ITGA8: variants seen among roughly 807,000 people sequenced by gnomAD.
The protein encoded by ITGA8 is integrin subunit alpha 8, also known as integrin alpha-8.
In ITGA8, 91 loss-of-function variants were observed where a neutral mutation model predicts 142.3. The observed-to-expected ratio is 0.64, with a 90% CI of 0.54 to 0.76. The LOEUF (loss-of-function observed/expected upper bound fraction) is 0.76. ITGA8 is among the 30% of genes least tolerant of loss of function. The pLI is 0.00. For synonymous variants in ITGA8, 505 were observed against 485.2 expected (o/e 1.04, Z -0.54); for missense variants, 1,406 against 1,327.7 (o/e 1.06, Z -0.92).
At chr10:15,634,977 A>ACTAAATATTTT (rs1390389585) in intron 13 of ITGA8, among the ~76,000 whole-genome samples, 4 of 147,448 alleles carry the variant, frequency 2.7e-5, no homozygotes, top group African/African-American at 1.0e-4. Flanking sequence ...AAATAATTTC[A>ACTAAATATTTT]CTAAATATTT....
At chr10:15,643,306 GT>G (rs2131645410) in intron 13 of ITGA8, among the ~76,000 whole-genome samples, 1 of 152,198 alleles carries the variant, frequency 6.6e-6, no homozygotes, top group African/African-American at 2.4e-5. Flanking sequence ...TTTTGAGACA[GT>G]CTCACTCTGT....
intron 2 of ITGA8, among the ~76,000 whole-genome samples, chr10:15,700,064 A>C (rs1486556368): frequency 1.3e-5 from 2 of 152,118 alleles, no homozygotes; most frequent in Admixed American, 1.3e-4. Flanking sequence ...TCCCACATAA[A>C]TGTGGCAAGT....
chr10:15,596,831 A>C (rs1833018720), intron 21 of ITGA8: 2 of 179,698 alleles, frequency 1.1e-5, no homozygotes. Flanking sequence ...CATTGCTAAA[A>C]TCTTTGTCCT....
intron 13 of ITGA8, 121 bp downstream of exon 13, chr10:15,643,908 TG>T: frequency 1.3e-6 from 1 of 776,296 alleles, no homozygotes; most frequent in Non-Finnish European, 2.0e-6. Flanking sequence ...AAAAAGCCTG[TG>T]GCATGCTTAA....
intron 22 of ITGA8, among the ~76,000 whole-genome samples, chr10:15,591,979 G>A (rs1832931230): frequency 6.6e-6 from 1 of 152,166 alleles, no homozygotes; most frequent in South Asian, 2.1e-4. Context: ...AGGTGGGAGG[G>A]TGCCCAGGAC....
intron 25 of ITGA8, among the ~76,000 whole-genome samples, chr10:15,562,106 A>G (rs1833994995): frequency 6.6e-6 from 1 of 152,176 alleles, no homozygotes. Flanking sequence ...CATGCGGATT[A>G]TGGGGATTAT....
chr10:15,676,545 A>ATC (rs1187274243), intron 6 of ITGA8, among the ~76,000 whole-genome samples: 1 of 152,068 alleles, frequency 6.6e-6, no homozygotes, highest in African/African-American at 2.4e-5. Context: ...CAGTTCGATT[A>ATC]ATGCCTGTTA....
chr10:15,556,018 C>CT (rs869241754), intron 26 of ITGA8, among the ~76,000 whole-genome samples: 5,889 of 53,580 alleles, frequency 0.11, 2,023 homozygotes, highest in Admixed American at 0.13. Context: ...CTCTCTCTCT[C>CT]TTTTTTTTTT....
intron 3 of ITGA8, among the ~76,000 whole-genome samples, chr10:15,685,063 A>C (rs1197515477): frequency 6.6e-6 from 1 of 152,218 alleles, no homozygotes; most frequent in Non-Finnish European, 1.5e-5. Context: ...AAGTAGAAGC[A>C]TCTTATGCCT....
chr10:15,559,005 G>C (rs540192326), intron 25 of ITGA8, among the ~76,000 whole-genome samples: 67 of 152,250 alleles, frequency 4.4e-4, no homozygotes, highest in Non-Finnish European at 8.2e-4. Flanking sequence ...CTTTCACACA[G>C]TTTCTCTTTG....
chr10:15,698,604 C>A (rs117810781), intron 2 of ITGA8, among the ~76,000 whole-genome samples: 3 of 152,160 alleles, frequency 2.0e-5, no homozygotes, highest in African/African-American at 7.2e-5. Context: ...TATAGCCATT[C>A]TTGCAGGAGT....
rs1258178248 is a variant in ITGA8 at position 15,517,133 on chromosome 10, T to G, written c.*25A>C. ...CTTTGAACAGGACCAGTGTTTGAGG[T>G]CTTTGGTCTTCTTTTTTTTTCTTGT... On this transcript the variant is annotated 3_prime_UTR_variant, in exon 30 of 30. Coordinates refer to ENST00000378076, the MANE Select transcript of ITGA8 (RefSeq NM_003638.3). The G allele has an allele frequency of 6.5e-7, 1 of 1,543,808 alleles. No individual in the cohort carries two copies. The highest frequency in any genetic ancestry group is 8.9e-7 in the Non-Finnish European group (1 of 1,120,862).
chr10:15,660,984 C>T (rs962404873), intron 8 of ITGA8, 62 bp from the exon 9 acceptor site: 116 of 1,375,774 alleles, frequency 8.4e-5, no homozygotes, highest in Admixed American at 2.7e-4. Context: ...CACACACACA[C>T]GCCATATACT....
chr10:15,569,371 A>G (rs1834137280), intron 25 of ITGA8, among the ~76,000 whole-genome samples: 1 of 152,130 alleles, frequency 6.6e-6, no homozygotes, highest in African/African-American at 2.4e-5. Flanking sequence ...TCACAGATGC[A>G]GCTGTTTTAT....
At chr10:15,634,391 A>G (rs1833735697) in intron 13 of ITGA8, among the ~76,000 whole-genome samples, 1 of 152,062 alleles carries the variant, frequency 6.6e-6, no homozygotes, top group Non-Finnish European at 1.5e-5. Context: ...AACCTCCAAA[A>G]CCCAACTTTA....
intron 2 of ITGA8, among the ~76,000 whole-genome samples, chr10:15,701,031 G>A (rs1835154189): frequency 6.6e-6 from 1 of 152,104 alleles, no homozygotes; most frequent in African/African-American, 2.4e-5. Context: ...GCATTTTCCA[G>A]TGCCAAAAAC....
At position 15,586,587 on chromosome 10, in the gene ITGA8, C is replaced by G. The variant is rs112580387; in HGVS notation, c.2369G>C (p.Arg790Thr). The change falls in exon 23 of 30, where the codon AGA becomes ACA. Residue 790 changes from arginine to threonine, a missense_variant. Arg to Thr is a moderately conservative substitution (Grantham distance 71). Transcript: ENST00000378076. The stretch of plus-strand genomic sequence containing the variant: ...CTATGCATTGCTTACTACTTACCCT[C>G]TTATTTCCACCTGCGCTACAGCAGT... Reference protein sequence around the residue: ...NITAVAQVEIRGVSHPPQIVL... With the variant: ...NITAVAQVEITGVSHPPQIVL... 12 of 1,600,870 alleles carry G rather than the reference C, an allele frequency of 7.5e-6. No individual in the cohort carries two copies. The highest frequency in any genetic ancestry group is 4.0e-5 in the African/African-American group (3 of 74,772).
At chr10:15,711,830 A>G (rs1224236622) in intron 2 of ITGA8, among the ~76,000 whole-genome samples, 1 of 152,232 alleles carries the variant, frequency 6.6e-6, no homozygotes, top group Non-Finnish European at 1.5e-5. Flanking sequence ...GGTCTAGGAA[A>G]GTTTCTCAAT....
chr10:15,559,873 G>A (rs965957993), intron 25 of ITGA8, among the ~76,000 whole-genome samples: 11 of 152,154 alleles, frequency 7.2e-5, no homozygotes, highest in Non-Finnish European at 1.0e-4. Context: ...GCTAATGCAT[G>A]TTGGGCTTAA....
Sources: allele counts gnomAD v4.1 joint callset (sites outside exome capture counted in the v4.1 genomes callset), GRCh38; gene constraint gnomAD v4.1.1; transcripts MANE v1.5; gene names NCBI Gene and HGNC (gene_info 2026-07-23, HGNC 2026-07-21).